The following CAPNS1 variants were observed in gnomAD, a reference collection of about 807,000 sequenced individuals.
The protein encoded by CAPNS1 is CANP small subunit.
Under a neutral mutation model 39.2 loss-of-function variants are expected in CAPNS1, and 32 were observed. The ratio of observed to expected loss-of-function variants is 0.82; its 90% confidence interval spans 0.62 to 1.10. The LOEUF is 1.10. Among genes scored for constraint, CAPNS1 ranks in the 50% least tolerant of loss-of-function variants. The probability of loss-of-function intolerance (pLI) is 0.00; values close to 1 mark genes in which losing one functional copy is unlikely to be tolerated. For synonymous variants in CAPNS1, 153 were observed against 136.2 expected (o/e 1.12, Z -0.86); for missense variants, 353 against 373.1 (o/e 0.95, Z 0.44).
In CAPNS1 at chr19:36,149,898, G is replaced by T; in HGVS notation, c.*59G>T. 1 of 1,385,548 alleles carries T rather than the reference G, an allele frequency of 7.2e-7. No homozygotes were observed. The allele number at this position is 1,385,548 out of a possible 1,614,324, so 85.8% of individuals were successfully genotyped here. On this transcript the variant is annotated 3_prime_UTR_variant, in exon 11 of 11. Coordinates refer to ENST00000246533, the MANE Select transcript of CAPNS1 (RefSeq NM_001749.4). ...GCTATAGGAGTCACCTGGAGCCTCGGTCTCTCCCAGGGCCGATCCTGTCTG... is the reference window on the plus strand; with the variant it reads ...GCTATAGGAGTCACCTGGAGCCTCGTTCTCTCCCAGGGCCGATCCTGTCTG...
chr19:36,143,724 G>A (rs986575757), intron 6 of CAPNS1, among the ~76,000 whole-genome samples: 2 of 149,058 alleles, frequency 1.3e-5, no homozygotes, highest in Non-Finnish European at 3.0e-5. Flanking sequence ...TTAGCCGGGC[G>A]TAGTGGCGGG....
intron 6 of CAPNS1, 46 bp from the exon 7 acceptor site, chr19:36,145,760 A>T: frequency 6.5e-7 from 1 of 1,536,122 alleles, no homozygotes. Context: ...CATGTGATGC[A>T]TGCATCTGGG....
chr19:36,142,849 C>T lies in CAPNS1; in HGVS notation c.334-60C>T, dbSNP rs1974428823. The T allele has an allele frequency of 2.5e-6, 4 of 1,599,478 alleles. No homozygotes were observed. In the South Asian group the frequency reaches 4.4e-5, roughly 18 times the overall value. Reference sequence around the variant, plus strand: ...ATGACAATCCCAGTGTTCCCATTCTCCATGACATTCTCAGACCCCTTTCAG... The same window carrying T: ...ATGACAATCCCAGTGTTCCCATTCTTCATGACATTCTCAGACCCCTTTCAG... On this transcript the variant is annotated intron_variant, in intron 4 of 10. Coordinates refer to ENST00000246533, the MANE Select transcript of CAPNS1 (RefSeq NM_001749.4).
chr19:36,147,412 T>G (rs939066674), intron 9 of CAPNS1, among the ~76,000 whole-genome samples: 7 of 152,010 alleles, frequency 4.6e-5, no homozygotes, highest in African/African-American at 1.4e-4. Context: ...CCAGAGACAT[T>G]GGGGAGCCAT....
At chr19:36,146,463 T>G (rs1243540290) in intron 9 of CAPNS1, 151 bp downstream of exon 9, 9 of 680,834 alleles carry the variant, frequency 1.3e-5, no homozygotes, top group Non-Finnish European at 2.2e-5. Flanking sequence ...GAGCTCACAG[T>G]CTGGTGGAGG....
At chr19:36,149,449 G>A in intron 9 of CAPNS1, 129 bp from the exon 10 acceptor site, 1 of 817,990 alleles carries the variant, frequency 1.2e-6, no homozygotes, top group South Asian at 2.9e-5. Context: ...CCCATGCTTG[G>A]CACACAGTAA....
At position 36,141,116 on chromosome 19, in the gene CAPNS1, G is replaced by C; in HGVS notation, c.105G>C (p.Gly35=). The C allele has an allele frequency of 7.2e-7, 1 of 1,380,186 alleles. No homozygotes were observed. 85.5% of individuals were successfully genotyped at this position (1,380,186 alleles called of 1,614,324 possible). A position where few individuals can be genotyped will look rare whatever the true frequency, so the allele number is the denominator to read the frequency against. ...LGNVLGGLIS[G]AGGGGGGGGG... ...ATGTGCTTGGAGGCCTGATCAGCGGGGCCGGGGGCGGCGGCGGCGGCGGCG... is the reference window on the plus strand; with the variant it reads ...ATGTGCTTGGAGGCCTGATCAGCGGCGCCGGGGGCGGCGGCGGCGGCGGCG... Residue 35 remains glycine, a synonymous_variant, in exon 2 of 11, where the codon GGG becomes GGC. Coordinates refer to ENST00000246533, the MANE Select transcript of CAPNS1 (RefSeq NM_001749.4).
In CAPNS1 at chr19:36,146,201, C is replaced by T. The variant is rs774705189; in HGVS notation, c.610C>T (p.His204Tyr). 13 of 1,611,628 alleles carry T rather than the reference C, an allele frequency of 8.1e-6. No individual in the cohort carries two copies. The South Asian group carries it at 1.3e-4, about 16-fold the overall frequency. ...AAGGACTACATCCATCTTAGGGTTC[C>T]ACCTGAATGAGCATCTCTATAACAT... Reference protein sequence around the residue: ...LPGAFEAAGFHLNEHLYNMII... With the variant: ...LPGAFEAAGFYLNEHLYNMII... The change falls in exon 9 of 11, where the codon CAC (histidine) becomes TAC (tyrosine). Residue 204 changes from histidine (H) to tyrosine (Y), a missense_variant. Coordinates refer to ENST00000246533, the MANE Select transcript of CAPNS1 (RefSeq NM_001749.4).
intron 6 of CAPNS1, among the ~76,000 whole-genome samples, chr19:36,143,454 T>C (rs1378250738): frequency 6.6e-6 from 1 of 152,042 alleles, no homozygotes; most frequent in Non-Finnish European, 1.5e-5. Context: ...AGGTCAGGCA[T>C]GGTGGCTCAT....
chr19:36,143,569 A>G (rs1239974693), intron 6 of CAPNS1, among the ~76,000 whole-genome samples: 5 of 152,028 alleles, frequency 3.3e-5, no homozygotes, highest in Non-Finnish European at 7.4e-5. Flanking sequence ...TCTATTAAAA[A>G]TACAAAAATT....
At chr19:36,142,786 C>T (rs1260964197) in intron 4 of CAPNS1, 45 bp downstream of exon 4, 4 of 1,591,338 alleles carry the variant, frequency 2.5e-6, no homozygotes, top group African/African-American at 1.3e-5. Context: ...CGTTCCATCC[C>T]TTCCCTTGTG....
chr19:36,143,755 C>A (rs1419700052), intron 6 of CAPNS1, among the ~76,000 whole-genome samples: 4 of 148,356 alleles, frequency 2.7e-5, no homozygotes, highest in Non-Finnish European at 5.9e-5. Context: ...CCCAGCTATT[C>A]GGGAGGCTGA....
Position 36,145,842 on chromosome 19 carries a change from A to G in CAPNS1, c.493A>G (p.Lys165Glu). ...TTGKLGFEEF[K>E]YLWNNIKRWQ... ...AGGCAAGCTGGGCTTTGAGGAATTCAAGTACTTGTGGAACAACATCAAAAG... is the reference window on the plus strand; with the variant it reads ...AGGCAAGCTGGGCTTTGAGGAATTCGAGTACTTGTGGAACAACATCAAAAG... The change falls in exon 7 of 11, where the codon AAG becomes GAG. Residue 165 changes from lysine (K) to glutamate (E), a missense_variant. By Grantham distance (56) the Lys-to-Glu change is moderately conservative. Transcript: ENST00000246533. 1 of 1,614,184 alleles carries G rather than the reference A, an allele frequency of 6.2e-7. No homozygotes were observed. The highest frequency in any genetic ancestry group is 8.5e-7 in the Non-Finnish European group (1 of 1,180,018).
chr19:36,149,587 A>G lies in CAPNS1; in HGVS notation c.731A>G (p.Lys244Arg), dbSNP rs1974699001. Residue 244 changes from lysine to arginine, a missense_variant, in exon 10 of 11, where the codon AAA becomes AGA. Lys to Arg is a conservative substitution (Grantham distance 26). Transcript: ENST00000246533. The stretch of plus-strand genomic sequence containing the variant: ...GCATCTCCTCCTCCAGGTGCCTTCA[A>G]ATCTCTTGACAAAGATGGCACTGGA... ...VRLDAMFRAF[K>R]SLDKDGTGQI... 2.0e-6 allele frequency: 3 copies of G among 1,487,788 alleles called. No individual in the cohort carries two copies. The highest frequency in any genetic ancestry group is 2.8e-5 in the South Asian group (2 of 72,470). The allele number at this position is 1,487,788 out of a possible 1,614,324, so 92.2% of individuals were successfully genotyped here.
intron 5 of CAPNS1, 44 bp from the exon 6 acceptor site, chr19:36,143,020 A>T: frequency 1.9e-6 from 3 of 1,611,186 alleles, no homozygotes; most frequent in Non-Finnish European, 2.5e-6. Context: ...GGGGTCAGAG[A>T]GGATTTGACC....
At chr19:36,141,273 T>C (rs1373593984) in intron 2 of CAPNS1, 53 bp downstream of exon 2, 3 of 1,478,500 alleles carry the variant, frequency 2.0e-6, no homozygotes, top group African/African-American at 1.5e-5. Flanking sequence ...GGAGCCTCAG[T>C]GAGGCGTGGT....
At chr19:36,141,389 G>C in intron 2 of CAPNS1, 169 bp downstream of exon 2, 1 of 1,339,952 alleles carries the variant, frequency 7.5e-7, no homozygotes, top group South Asian at 2.0e-5. Flanking sequence ...CTGTAAGGGG[G>C]TGGACCCCAG....
intron 1 of CAPNS1, 54 bp from the exon 2 acceptor site, chr19:36,140,943 G>GT (rs1157944040): frequency 1.3e-6 from 2 of 1,584,406 alleles, no homozygotes; most frequent in African/African-American, 2.8e-5. Context: ...GTGTTTGAAG[G>GT]GAGGGTGTGG....
At chr19:36,144,687 T>C (rs1974501945) in intron 6 of CAPNS1, among the ~76,000 whole-genome samples, 1 of 152,118 alleles carries the variant, frequency 6.6e-6, no homozygotes, top group African/African-American at 2.4e-5. Context: ...CCTGGCCTCA[T>C]GCACATTTAA....
Sources: allele counts gnomAD v4.1 joint callset (sites outside exome capture counted in the v4.1 genomes callset), GRCh38; gene constraint gnomAD v4.1.1; transcripts MANE v1.5; gene names NCBI Gene and HGNC (gene_info 2026-07-23, HGNC 2026-07-21).